PCDHGA1: variants seen among roughly 807,000 people sequenced by gnomAD.
The protein encoded by PCDHGA1 is protocadherin gamma-A1.
In PCDHGA1, 32 loss-of-function variants were observed where a neutral mutation model predicts 58.0. The ratio of observed to expected loss-of-function variants is 0.55; its 90% CI spans 0.42 to 0.74. The LOEUF (loss-of-function observed/expected upper bound fraction) is 0.74. Ranked by LOEUF, PCDHGA1 falls within the 30% of genes least tolerant of loss-of-function variation. The probability of loss-of-function intolerance (pLI) is 0.00; values close to 1 mark genes in which losing one functional copy is unlikely to be tolerated. For missense variants in PCDHGA1, 1,205 were observed against 1,182.3 expected (o/e 1.02, Z -0.28); for synonymous variants, 498 against 501.1 (o/e 0.99, Z 0.08).
In PCDHGA1 at chr5:141,486,001, C is replaced by T. The variant is rs771993915; in HGVS notation, c.2422-8806C>T. ...ACCCGGACCTGGGTCCCAGTGGTAA[C>T]GTCACCTTTTATTTCAGTGGTCATA... On this transcript the variant is annotated intron_variant, in intron 1 of 3. Coordinates refer to ENST00000517417, the MANE Select transcript of PCDHGA1 (RefSeq NM_018912.3). This position sits in a 1 kb window ranked among gnomAD's most constrained non-coding sequence, Gnocchi z 5.0. The T allele has an allele frequency of 2.5e-6, 4 of 1,614,076 alleles. No homozygotes were observed. The highest frequency in any genetic ancestry group is 8.5e-7 in the Non-Finnish European group (1 of 1,180,032).
intron 1 of PCDHGA1, chr5:141,357,665 CAA>C (rs1263255857): frequency 5.0e-6 from 8 of 1,599,428 alleles, no homozygotes; most frequent in Non-Finnish European, 6.0e-6. Context: ...GAAATATAGA[CAA>C]AGAGTTGTGT....
intron 1 of PCDHGA1, among the ~76,000 whole-genome samples, chr5:141,447,644 G>A (rs1212910845): frequency 1.3e-5 from 2 of 152,146 alleles, no homozygotes; most frequent in Admixed American, 1.3e-4. Context: ...AATGATGGTA[G>A]AATTTTCCCC....
At chr5:141,409,690 A>G in intron 1 of PCDHGA1, 1 of 1,613,354 alleles carries the variant, frequency 6.2e-7, no homozygotes. Flanking sequence ...CGAGTGACCT[A>G]GAGCCCCTGG....
chr5:141,413,322 G>A, intron 1 of PCDHGA1: 2 of 1,613,940 alleles, frequency 1.2e-6, no homozygotes, highest in Non-Finnish European at 1.7e-6. Flanking sequence ...GCTCTTTCGT[G>A]GGCAACATCT....
intron 1 of PCDHGA1, among the ~76,000 whole-genome samples, chr5:141,437,236 C>A (rs2154557405): frequency 6.6e-6 from 1 of 152,278 alleles, no homozygotes; most frequent in South Asian, 2.1e-4. Context: ...AAAATTATGT[C>A]AAGGACTTTC....
chr5:141,460,681 A>G (rs2098995379), intron 1 of PCDHGA1, among the ~76,000 whole-genome samples: 1 of 152,134 alleles, frequency 6.6e-6, no homozygotes, highest in African/African-American at 2.4e-5. Context: ...ATATATCTAT[A>G]TATCCACCAA....
At chr5:141,456,777 A>G (rs572940615) in intron 1 of PCDHGA1, among the ~76,000 whole-genome samples, 2 of 152,214 alleles carry the variant, frequency 1.3e-5, no homozygotes, top group Admixed American at 6.5e-5. Flanking sequence ...AGCCTGGCCT[A>G]CATGGCAAAA....
At chr5:141,361,585 A>G in intron 1 of PCDHGA1, 1 of 1,614,014 alleles carries the variant, frequency 6.2e-7, no homozygotes, top group Non-Finnish European at 8.5e-7. Context: ...CTTGGGCCCC[A>G]GTGGCCAAGT....
intron 1 of PCDHGA1, chr5:141,419,148 C>A: frequency 6.2e-7 from 1 of 1,613,940 alleles, no homozygotes; most frequent in Admixed American, 1.7e-5. Flanking sequence ...AGGGGCAAGC[C>A]TCCGTTATCC....
intron 1 of PCDHGA1, chr5:141,403,047 G>T: frequency 6.2e-7 from 1 of 1,614,062 alleles, no homozygotes; most frequent in Non-Finnish European, 8.5e-7. Flanking sequence ...AGTCAGATTC[G>T]CTACTCAGTG....
chr5:141,342,756 T>C (rs746375635), intron 1 of PCDHGA1: 3 of 152,258 alleles, frequency 2.0e-5, no homozygotes, highest in Non-Finnish European at 2.9e-5. Context: ...TAATGCATCA[T>C]GATTGAAACG....
At chr5:141,389,432 C>G in intron 1 of PCDHGA1, 1 of 1,610,650 alleles carries the variant, frequency 6.2e-7, no homozygotes, top group Non-Finnish European at 8.5e-7. Context: ...TCGCGCAGCG[C>G]GCCTTCGACC....
Position 141,456,465 on chromosome 5 carries a change from C to T in PCDHGA1, c.2422-38342C>T, listed in dbSNP as rs553441797. ...ACAGAGTCCAAATATCAATACAAGA[C>T]ATATAAGCAAGAGAGTGCTTAATAA... On this transcript the variant is annotated intron_variant, in intron 1 of 3. Coordinates refer to ENST00000517417, the MANE Select transcript of PCDHGA1 (RefSeq NM_018912.3). 2.6e-5 allele frequency among the ~76,000 whole-genome samples: 4 copies of T among 152,212 alleles called. No homozygotes were observed. In the East Asian group the frequency reaches 7.7e-4, roughly 29 times the overall value.
rs768994533 is a variant in PCDHGA1 at position 141,486,589 on chromosome 5, C to G, written c.2422-8218C>G. On this transcript the variant is annotated intron_variant, in intron 1 of 3. Transcript: ENST00000517417. This position sits in a 1 kb window ranked among gnomAD's most constrained non-coding sequence, Gnocchi z 5.0. Reference sequence around the variant, plus strand: ...TTCCTGAGAACAATCGCCCAGGGGACCTGCTTTGCTCCCTTGCAGCCTCTG... The same window carrying G: ...TTCCTGAGAACAATCGCCCAGGGGAGCTGCTTTGCTCCCTTGCAGCCTCTG... 1 of 1,613,676 alleles carries G rather than the reference C, an allele frequency of 6.2e-7. No individual in the cohort carries two copies. Among genetic ancestry groups the G allele is most frequent in the Non-Finnish European group, 8.5e-7 (1 of 1,179,996 alleles).
chr5:141,491,080 A>T lies in PCDHGA1; in HGVS notation c.2422-3727A>T. On this transcript the variant is annotated intron_variant, in intron 1 of 3. Transcript: ENST00000517417. This position sits in a 1 kb window ranked among gnomAD's most constrained non-coding sequence, Gnocchi z 6.9. ...CTCCTACTCACTGTTGCCACAGTCC[A>T]CAGCCCCAGGACTGTTCCTCGTGTC... The T allele has an allele frequency of 6.2e-7, 1 of 1,614,116 alleles. No individual in the cohort carries two copies. Among genetic ancestry groups the T allele is most frequent in the Non-Finnish European group, 8.5e-7 (1 of 1,179,994 alleles).
chr5:141,366,051 G>A, intron 1 of PCDHGA1: 1 of 1,614,244 alleles, frequency 6.2e-7, no homozygotes, highest in Non-Finnish European at 8.5e-7. Context: ...GGTTCCACGG[G>A]CGTGGAGCTG....
chr5:141,403,213 G>A (rs1314899957), intron 1 of PCDHGA1: 1 of 1,613,970 alleles, frequency 6.2e-7, no homozygotes, highest in Non-Finnish European at 8.5e-7. Flanking sequence ...TGGTCACCGC[G>A]GGTAGGATAG....
Position 141,490,602 on chromosome 5 carries a change from C to G in PCDHGA1, c.2422-4205C>G, listed in dbSNP as rs1249440194. On this transcript the variant is annotated intron_variant, in intron 1 of 3. Transcript: ENST00000517417. This position sits in a 1 kb window ranked among gnomAD's most constrained non-coding sequence, Gnocchi z 5.4. Reference sequence around the variant, plus strand: ...ATGTCAATGACAATGCACCCCGCTTCAACCAGCAGCTTTACACTGCTTACA... The same window carrying G: ...ATGTCAATGACAATGCACCCCGCTTGAACCAGCAGCTTTACACTGCTTACA... The G allele has an allele frequency of 6.2e-7, 1 of 1,614,084 alleles. No individual in the cohort carries two copies. Among genetic ancestry groups the G allele is most frequent in the African/African-American group, 1.3e-5 (1 of 74,930 alleles).
At chr5:141,419,807 G>A in intron 1 of PCDHGA1, 2 of 1,614,074 alleles carry the variant, frequency 1.2e-6, no homozygotes, top group South Asian at 1.1e-5. Flanking sequence ...AAGAGATGGA[G>A]GACAGCCACC....
Sources: gnomAD v4.1 joint callset for allele counts (sites outside exome capture counted in the v4.1 genomes callset) on GRCh38, gnomAD v4.1.1 for gene constraint, Gnocchi (gnomAD v3.1) non-coding constraint, MANE v1.5 for transcripts, NCBI Gene and HGNC (gene_info 2026-07-23, HGNC 2026-07-21) for gene names.